IL1RAPL2: variants seen among roughly 807,000 people sequenced by gnomAD.
IL1RAPL2 encodes the protein X-linked interleukin-1 receptor accessory protein-like 2.
In IL1RAPL2, 3 loss-of-function variants were observed where a neutral mutation model predicts 44.1. That is an observed-to-expected ratio of 0.07 (90% CI 0.03 to 0.18). The LOEUF (loss-of-function observed/expected upper bound fraction) is 0.18. IL1RAPL2 is among the 10% of genes least tolerant of loss of function. IL1RAPL2 has a pLI of 1.00. For synonymous variants in IL1RAPL2, 181 were observed against 178.8 expected (o/e 1.01, Z -0.10); for missense variants, 391 against 496.4 (o/e 0.79, Z 2.02).
chrX:104,771,240 T>C (rs1437599686), intron 2 of IL1RAPL2, among the ~76,000 whole-genome samples: 1 of 111,486 alleles, frequency 9.0e-6, no homozygotes, highest in Non-Finnish European at 1.9e-5. Flanking sequence ...TACCTTCTAT[T>C]TTACCAGCCA....
intron 2 of IL1RAPL2, among the ~76,000 whole-genome samples, chrX:104,907,923 A>C (rs1924075669): frequency 9.1e-6 from 1 of 109,360 alleles, no homozygotes; most frequent in South Asian, 4.1e-4. Context: ...TCCCATTATT[A>C]ATGTGTGGGA....
intron 2 of IL1RAPL2, among the ~76,000 whole-genome samples, chrX:105,146,906 A>T (rs1306769071): frequency 8.9e-6 from 1 of 111,875 alleles, no homozygotes; most frequent in East Asian, 2.8e-4. Flanking sequence ...GAAGAAGGGT[A>T]TTATAGGTCA....
chrX:105,046,776 TTG>T (rs2031842691), intron 2 of IL1RAPL2, among the ~76,000 whole-genome samples: 1 of 109,514 alleles, frequency 9.1e-6, no homozygotes, highest in Non-Finnish European at 1.9e-5. Context: ...TCGTTTTTCA[TTG>T]TCCTTTCTCT....
At chrX:104,892,707 C>A (rs971644727) in intron 2 of IL1RAPL2, among the ~76,000 whole-genome samples, 1 of 111,081 alleles carries the variant, frequency 9.0e-6, no homozygotes, top group Non-Finnish European at 1.9e-5. Context: ...GTCTTGCTAG[C>A]GGTCTATCAG....
intron 2 of IL1RAPL2, among the ~76,000 whole-genome samples, chrX:104,824,408 T>A (rs1038672583): frequency 1.8e-5 from 2 of 112,085 alleles, no homozygotes; most frequent in African/African-American, 6.5e-5. Context: ...CCTCATAAAA[T>A]GAGTTAAGGA....
rs774239503 is a variant in IL1RAPL2, at chrX:104,908,229, C to T, written c.82+249234C>T. 8.0e-5 allele frequency among the ~76,000 whole-genome samples: 9 copies of T among 111,912 alleles called. No homozygotes were observed. In the East Asian group the frequency reaches 2.2e-3, roughly 28 times the overall value. ...CGTGAGATGGGTTTCCTGAATACAGCACACTGATAGATCTTGACTCTTTAT... is the reference window on the plus strand; with the variant it reads ...CGTGAGATGGGTTTCCTGAATACAGTACACTGATAGATCTTGACTCTTTAT... On this transcript the variant is annotated intron_variant, in intron 2 of 10. Transcript: ENST00000372582.
intron 2 of IL1RAPL2, among the ~76,000 whole-genome samples, chrX:105,093,508 G>A (rs979777225): frequency 1.8e-5 from 2 of 111,053 alleles, no homozygotes; most frequent in Admixed American, 9.6e-5. Context: ...AACAGGAGAG[G>A]GAAACAAGAA....
intron 2 of IL1RAPL2, among the ~76,000 whole-genome samples, chrX:104,818,957 A>G (rs902090741): frequency 8.9e-6 from 1 of 112,151 alleles, no homozygotes; most frequent in African/African-American, 3.2e-5. Context: ...AATGAATAGT[A>G]TCTGTCATGT....
At chrX:104,982,631 G>A (rs1350473716) in intron 2 of IL1RAPL2, among the ~76,000 whole-genome samples, 1 of 110,253 alleles carries the variant, frequency 9.1e-6, no homozygotes, top group Non-Finnish European at 1.9e-5. Context: ...AAAACAAACA[G>A]AAAAAAAATA....
intron 6 of IL1RAPL2, among the ~76,000 whole-genome samples, chrX:105,561,341 CA>C (rs2036935608): frequency 9.0e-6 from 1 of 111,647 alleles, no homozygotes; most frequent in Non-Finnish European, 1.9e-5. Flanking sequence ...AGTAAAGAAG[CA>C]CTTGAAGAAA....
chrX:105,168,689 A>G (rs146774466), intron 2 of IL1RAPL2, among the ~76,000 whole-genome samples: 2,046 of 110,512 alleles, frequency 0.019, 58 homozygotes, highest in African/African-American at 0.064. Flanking sequence ...CAGGAAAAAA[A>G]AAGATTGTTC....
chrX:105,599,274 G>C (rs142681365), intron 6 of IL1RAPL2, among the ~76,000 whole-genome samples: 3,524 of 112,123 alleles, frequency 0.031, 155 homozygotes, highest in African/African-American at 0.11. Context: ...CAGCTACATA[G>C]AAGATATATG....
At chrX:104,632,343 A>G (rs1410290048) in intron 1 of IL1RAPL2, among the ~76,000 whole-genome samples, 1 of 111,344 alleles carries the variant, frequency 9.0e-6, no homozygotes, top group Non-Finnish European at 1.9e-5. Flanking sequence ...TTGGTTCCAT[A>G]TGAACTTTAA....
intron 6 of IL1RAPL2, among the ~76,000 whole-genome samples, chrX:105,570,858 A>T (rs757994516): frequency 1.8e-5 from 2 of 111,813 alleles, no homozygotes; most frequent in East Asian, 5.7e-4. Flanking sequence ...AATGCCATGC[A>T]TTTGGAGATG....
intron 5 of IL1RAPL2, among the ~76,000 whole-genome samples, chrX:105,312,862 T>TA (rs1244427274): frequency 1.8e-5 from 2 of 111,690 alleles, no homozygotes; most frequent in African/African-American, 6.5e-5. Context: ...TTTGTCAATT[T>TA]AAAAAAATGA....
intron 1 of IL1RAPL2, among the ~76,000 whole-genome samples, chrX:104,646,744 G>A: frequency 9.0e-6 from 1 of 111,168 alleles, no homozygotes; most frequent in East Asian, 2.8e-4. Context: ...GCTGTGGAAG[G>A]CGTCACATTG....
rs2035168192 is a variant in IL1RAPL2, at chrX:105,352,917, C to A, written c.697+85376C>A. On this transcript the variant is annotated intron_variant, in intron 5 of 10. Coordinates refer to ENST00000372582, the MANE Select transcript of IL1RAPL2 (RefSeq NM_017416.2). ...TCTGATGGTAGTTTCTTTTGCTGTGCAGAAGCTCTTTAGTTTAATTAGATC... is the reference window on the plus strand; with the variant it reads ...TCTGATGGTAGTTTCTTTTGCTGTGAAGAAGCTCTTTAGTTTAATTAGATC... Among the ~76,000 whole-genome samples the A allele has an allele frequency of 2.7e-5, 3 of 109,234 alleles. No individual in the cohort carries two copies. The South Asian group carries it at 1.2e-3, about 44-fold the overall frequency. 94.9% of individuals were successfully genotyped at this position (109,234 alleles called of 115,157 possible). A position where few individuals can be genotyped will look rare whatever the true frequency, so the allele number is the denominator to read the frequency against.
At chrX:105,269,545 G>T (rs968772831) in intron 5 of IL1RAPL2, among the ~76,000 whole-genome samples, 10 of 111,285 alleles carry the variant, frequency 9.0e-5, no homozygotes, top group African/African-American at 3.3e-4. Context: ...TTCCCTATGA[G>T]CTTTCAAAAT....
intron 2 of IL1RAPL2, among the ~76,000 whole-genome samples, chrX:104,851,758 C>T (rs764378584): frequency 9.0e-6 from 1 of 111,445 alleles, no homozygotes; most frequent in East Asian, 2.8e-4. Context: ...GTTCACAGTT[C>T]TGCAGGCTGG....
Sources: gnomAD v4.1 joint callset for allele counts (sites outside exome capture counted in the v4.1 genomes callset) on GRCh38, gnomAD v4.1.1 for gene constraint, MANE v1.5 for transcripts, NCBI Gene and HGNC (gene_info 2026-07-23, HGNC 2026-07-21) for gene names.